The following MBD5 variants were observed in gnomAD, a reference collection of about 807,000 sequenced individuals.
MBD5 encodes methyl-CpG-binding domain protein 5.
A neutral mutation model predicts 117.3 loss-of-function variants in MBD5; 13 were observed. That is an observed-to-expected ratio of 0.11 (90% CI 0.07 to 0.18). The LOEUF (loss-of-function observed/expected upper bound fraction) is 0.18, where lower values mean the gene tolerates loss of function less well. Ranked by LOEUF, MBD5 falls within the 10% of genes least tolerant of loss-of-function variation. The pLI, the probability that MBD5 is intolerant of heterozygous loss-of-function variation, is 1.00. For missense variants in MBD5, 1,879 were observed against 2,093.8 expected (o/e 0.90, Z 2.00); for synonymous variants, 727 against 766.4 (o/e 0.95, Z 0.85).
At chr2:148,490,721 A>C in intron 11 of MBD5, 127 bp downstream of exon 11, 10 of 1,186,340 alleles carry the variant, frequency 8.4e-6, no homozygotes, top group East Asian at 2.5e-5. Context: ...TTGAGGTCTC[A>C]CAAGCTTCTG....
intron 4 of MBD5, among the ~76,000 whole-genome samples, chr2:148,381,355 AG>A (rs1356633954): frequency 2.0e-5 from 3 of 152,214 alleles, no homozygotes; most frequent in Non-Finnish European, 2.9e-5. Flanking sequence ...ATCAACTGGA[AG>A]AAAGGGTATC....
At chr2:148,113,933 G>T (rs1215884587) in intron 1 of MBD5, among the ~76,000 whole-genome samples, 1 of 151,932 alleles carries the variant, frequency 6.6e-6, no homozygotes, top group East Asian at 1.9e-4. Flanking sequence ...ATTGTTACCT[G>T]ATTCTTTTCA....
At chr2:148,506,225 G>C (rs1682026726) in intron 12 of MBD5, among the ~76,000 whole-genome samples, 1 of 151,974 alleles carries the variant, frequency 6.6e-6, no homozygotes, top group Non-Finnish European at 1.5e-5. Flanking sequence ...ACATTACTTA[G>C]GGCAATTTTG....
chr2:148,361,377 AC>A (rs538331635), intron 4 of MBD5, among the ~76,000 whole-genome samples: 32 of 150,520 alleles, frequency 2.1e-4, no homozygotes, highest in South Asian at 8.3e-4. Context: ...AAAAAAAAAA[AC>A]GTGTTGGATT....
chr2:148,080,650 A>G (rs1355403142), intron 1 of MBD5, among the ~76,000 whole-genome samples: 1 of 152,182 alleles, frequency 6.6e-6, no homozygotes, highest in Admixed American at 6.5e-5. Context: ...AGATGAATAC[A>G]CATCTTGCTG....
chr2:148,370,771 G>A (rs932722192), intron 4 of MBD5, among the ~76,000 whole-genome samples: 10 of 152,196 alleles, frequency 6.6e-5, no homozygotes, highest in Admixed American at 4.6e-4. Context: ...TTACAGGCAT[G>A]AGTCTCCATG....
chr2:148,118,335 C>T (rs1696687635), intron 1 of MBD5, among the ~76,000 whole-genome samples: 1 of 152,008 alleles, frequency 6.6e-6, no homozygotes, highest in African/African-American at 2.4e-5. Flanking sequence ...ATTAGCCTGG[C>T]ACAGTGGCTC....
At chr2:148,188,864 G>C (rs1034218311) in intron 2 of MBD5, among the ~76,000 whole-genome samples, 7 of 151,730 alleles carry the variant, frequency 4.6e-5, no homozygotes, top group Admixed American at 1.3e-4. Flanking sequence ...TCTCACTAGG[G>C]AGTGCCAGAC....
intron 1 of MBD5, among the ~76,000 whole-genome samples, chr2:148,064,029 T>C (rs1459307877): frequency 6.6e-6 from 1 of 152,032 alleles, no homozygotes; most frequent in Non-Finnish European, 1.5e-5. Context: ...GGTGGGACTA[T>C]AGCTTCTTAC....
intron 4 of MBD5, among the ~76,000 whole-genome samples, chr2:148,452,291 T>C (rs1706751537): frequency 6.6e-6 from 1 of 151,860 alleles, no homozygotes; most frequent in African/African-American, 2.4e-5. Flanking sequence ...AGCTCAGGAG[T>C]TCAAGACCAG....
intron 1 of MBD5, among the ~76,000 whole-genome samples, chr2:148,112,384 C>T: frequency 6.6e-6 from 1 of 152,130 alleles, no homozygotes; most frequent in Non-Finnish European, 1.5e-5. Flanking sequence ...CTAAAATGTT[C>T]TGTTCTTCTC....
intron 4 of MBD5, among the ~76,000 whole-genome samples, chr2:148,343,710 A>G (rs1319790408): frequency 6.6e-6 from 1 of 151,372 alleles, no homozygotes; most frequent in African/African-American, 2.4e-5. Flanking sequence ...AAATATTTTC[A>G]CCCATTCTGT....
At chr2:148,096,602 C>T (rs1361533064) in intron 1 of MBD5, among the ~76,000 whole-genome samples, 1 of 151,846 alleles carries the variant, frequency 6.6e-6, no homozygotes, top group Non-Finnish European at 1.5e-5. Context: ...GATTGTTCTG[C>T]GAATTAAAAC....
intron 4 of MBD5, among the ~76,000 whole-genome samples, chr2:148,393,558 CA>C (rs911991294): frequency 6.6e-6 from 1 of 151,748 alleles, no homozygotes; most frequent in East Asian, 1.9e-4. Flanking sequence ...TAAAAAAGAA[CA>C]AAAAAAATTG....
chr2:148,188,984 G>C (rs1275299837), intron 2 of MBD5, among the ~76,000 whole-genome samples: 1 of 150,484 alleles, frequency 6.6e-6, no homozygotes, highest in African/African-American at 2.5e-5. Flanking sequence ...CCGAGTCAAA[G>C]AAAGGGGTGA....
chr2:148,226,287 G>A (rs111342961), intron 2 of MBD5, among the ~76,000 whole-genome samples: 2,471 of 151,694 alleles, frequency 0.016, 73 homozygotes, highest in African/African-American at 0.056. Context: ...AACAGTCCCC[G>A]GTGTGTGATG....
In MBD5 at chr2:148,483,111, C is replaced by T. The variant is rs201649831; in HGVS notation, c.2520C>T (p.Gly840=). Residue 840 remains glycine (G), a splice_region_variant and synonymous_variant, in exon 9 of 14, where the codon GGC becomes GGT. Transcript: ENST00000642680. ...SSYNQTSSEA[G]GSGPSSSIAI... Reference sequence around the variant, plus strand: ...GTGTTTTTTTTTTTTTCATTTTAGGCGGTTCAGGACCATCATCCTCCATAG... The same window carrying T: ...GTGTTTTTTTTTTTTTCATTTTAGGTGGTTCAGGACCATCATCCTCCATAG... 3.7e-5 allele frequency: 59 copies of T among 1,603,438 alleles called. No individual in the cohort carries two copies. Among genetic ancestry groups the T allele is most frequent in the Non-Finnish European group, 4.8e-5 (56 of 1,178,162 alleles).
At chr2:148,330,919 G>A (rs991309379) in intron 3 of MBD5, among the ~76,000 whole-genome samples, 2 of 152,128 alleles carry the variant, frequency 1.3e-5, no homozygotes, top group Non-Finnish European at 2.9e-5. Flanking sequence ...TTACAGATAA[G>A]GGAGCTTAAG....
At chr2:148,327,943 T>A (rs1220518809) in intron 3 of MBD5, among the ~76,000 whole-genome samples, 1 of 152,156 alleles carries the variant, frequency 6.6e-6, no homozygotes, top group Non-Finnish European at 1.5e-5. Context: ...CCAGTTTTTC[T>A]GCTCTGTTTT....
Sources: gnomAD v4.1 joint callset for allele counts (sites outside exome capture counted in the v4.1 genomes callset) on GRCh38, gnomAD v4.1.1 for gene constraint, MANE v1.5 for transcripts, NCBI Gene and HGNC (gene_info 2026-07-23, HGNC 2026-07-21) for gene names.